The following CNTN5 variants were observed in gnomAD, a reference collection of about 807,000 sequenced individuals.
The protein encoded by CNTN5 is contactin-5.
Under a neutral mutation model 129.1 loss-of-function variants are expected in CNTN5, and 77 were observed. The ratio of observed to expected loss-of-function variants is 0.60; its 90% CI spans 0.50 to 0.72. CNTN5 has a LOEUF of 0.72. Ranked by LOEUF, CNTN5 falls within the 30% of genes least tolerant of loss-of-function variation. The pLI, the probability that CNTN5 is intolerant of heterozygous loss-of-function variation, is 0.00. For synonymous variants in CNTN5, 509 were observed against 465.6 expected (o/e 1.09, Z -1.20); for missense variants, 1,478 against 1,328.8 (o/e 1.11, Z -1.75).
At chr11:99,966,967 TGATA>T (rs1010294527) in intron 8 of CNTN5, among the ~76,000 whole-genome samples, 2 of 152,146 alleles carry the variant, frequency 1.3e-5, no homozygotes, top group African/African-American at 2.4e-5. Flanking sequence ...TGTGATAGAT[TGATA>T]GATATATGTT....
At chr11:100,000,933 G>A (rs1418294887) in intron 8 of CNTN5, among the ~76,000 whole-genome samples, 4 of 152,154 alleles carry the variant, frequency 2.6e-5, no homozygotes, top group South Asian at 2.1e-4. Context: ...GCTAGAACAC[G>A]AGACACCATG....
intron 1 of CNTN5, among the ~76,000 whole-genome samples, chr11:99,069,625 G>C (rs879743392): frequency 6.6e-6 from 1 of 152,016 alleles, no homozygotes; most frequent in African/African-American, 2.4e-5. Flanking sequence ...TCATTCTCAG[G>C]ACCTTACATC....
intron 21 of CNTN5, among the ~76,000 whole-genome samples, chr11:100,338,529 A>G (rs1321863517): frequency 6.6e-6 from 1 of 152,070 alleles, no homozygotes; most frequent in Admixed American, 6.6e-5. Context: ...AGTTGGGGGA[A>G]AAAAAAAGAA....
intron 17 of CNTN5, among the ~76,000 whole-genome samples, chr11:100,265,239 T>G (rs1406501657): frequency 1.3e-5 from 2 of 152,158 alleles, no homozygotes; most frequent in African/African-American, 4.8e-5. Flanking sequence ...TCACTAGATG[T>G]GTCCTCTTCT....
rs540190841 is a variant in CNTN5, at chr11:100,064,295, C to T, written c.1162+2902C>T. 5.3e-4 allele frequency among the ~76,000 whole-genome samples: 81 copies of T among 152,250 alleles called. No individual in the cohort carries two copies. In the Middle Eastern group the frequency reaches 0.014, roughly 26 times the overall value. ...CAAAAAATGAACCAGGGATCTAAGGCAGCATTTCTAGTCCCTTTTCTTGGT... is the reference window on the plus strand; with the variant it reads ...CAAAAAATGAACCAGGGATCTAAGGTAGCATTTCTAGTCCCTTTTCTTGGT... On this transcript the variant is annotated intron_variant, in intron 10 of 24. Transcript: ENST00000524871.
intron 1 of CNTN5, among the ~76,000 whole-genome samples, chr11:99,027,114 A>C (rs1863142964): frequency 6.6e-6 from 1 of 151,292 alleles, no homozygotes; most frequent in African/African-American, 2.4e-5. Context: ...TTTTTTTGAC[A>C]GTTTTAATTA....
chr11:100,074,497 G>A, intron 13 of CNTN5: 6 of 475,046 alleles, frequency 1.3e-5, no homozygotes, highest in Middle Eastern at 5.5e-4. Flanking sequence ...GACTCCATGG[G>A]GTTTTAGCAT....
chr11:99,736,170 C>CT (rs1159937576), intron 3 of CNTN5, among the ~76,000 whole-genome samples: 2 of 152,180 alleles, frequency 1.3e-5, no homozygotes, highest in African/African-American at 4.8e-5. Context: ...AAGCAGAACT[C>CT]TATTACTTGC....
At chr11:99,360,672 G>A (rs1008750382) in intron 2 of CNTN5, among the ~76,000 whole-genome samples, 2 of 152,082 alleles carry the variant, frequency 1.3e-5, no homozygotes, top group African/African-American at 2.4e-5. Context: ...TGGCAGCTCC[G>A]ATGCTCTCCA....
At chr11:100,112,407 G>C (rs969536744) in intron 13 of CNTN5, among the ~76,000 whole-genome samples, 1 of 152,102 alleles carries the variant, frequency 6.6e-6, no homozygotes, top group Non-Finnish European at 1.5e-5. Flanking sequence ...GATAATAGTA[G>C]AGAAATGGAT....
At chr11:99,165,254 A>G (rs940047221) in intron 1 of CNTN5, among the ~76,000 whole-genome samples, 1 of 152,222 alleles carries the variant, frequency 6.6e-6, no homozygotes, top group Admixed American at 6.5e-5. Context: ...AGTTTTGTTT[A>G]TAGAGGCTAT....
rs1286115224 is a variant in CNTN5, at chr11:99,711,371, AACTT to A, written c.56-108168_56-108165del. 4.6e-5 allele frequency among the ~76,000 whole-genome samples: 7 copies of A among 152,050 alleles called. 1 individual carries two copies. The East Asian group carries it at 1.2e-3, about 25-fold the overall frequency. On this transcript the variant is annotated intron_variant, in intron 3 of 24. Coordinates refer to ENST00000524871, the MANE Select transcript of CNTN5 (RefSeq NM_014361.4). Reference sequence around the variant, plus strand: ...TGGTTTAATCACAGCTATATTACCTAACTTACTTTTACTTAGAATTTAGCAAAAG... The same window carrying A: ...TGGTTTAATCACAGCTATATTACCTAACTTTTACTTAGAATTTAGCAAAAG...
Position 99,745,747 on chromosome 11 carries a change from A to G in CNTN5, c.56-73797A>G, listed in dbSNP as rs148255899. Among the ~76,000 whole-genome samples the G allele has an allele frequency of 4.4e-3, 667 of 151,974 alleles. 8 individuals carry two copies. Among genetic ancestry groups the G allele is most frequent in the African/African-American group, 0.015 (641 of 41,422 alleles). On this transcript the variant is annotated intron_variant, in intron 3 of 24. Coordinates refer to ENST00000524871, the MANE Select transcript of CNTN5 (RefSeq NM_014361.4). ...GAAGACATTTTTTTTTTTCAATTCA[A>G]TAGTTAATTCATTGAAAATTTTTAT...
intron 13 of CNTN5, among the ~76,000 whole-genome samples, chr11:100,139,163 A>C (rs1484699006): frequency 6.6e-6 from 1 of 152,174 alleles, no homozygotes; most frequent in Non-Finnish European, 1.5e-5. Flanking sequence ...AGTTAAATAT[A>C]TACATTGGTA....
intron 2 of CNTN5, among the ~76,000 whole-genome samples, chr11:99,376,559 A>G (rs1467502567): frequency 6.6e-6 from 1 of 152,188 alleles, no homozygotes; most frequent in Non-Finnish European, 1.5e-5. Context: ...TCTAACAATG[A>G]CAAAGTCTAG....
chr11:100,132,140 C>A (rs1045336197), intron 13 of CNTN5, among the ~76,000 whole-genome samples: 103 of 152,072 alleles, frequency 6.8e-4, no homozygotes, highest in African/African-American at 2.4e-3. Flanking sequence ...CTTAGTTGAA[C>A]TCTGGTTGAC....
At chr11:99,213,010 T>C (rs994769157) in intron 1 of CNTN5, among the ~76,000 whole-genome samples, 1 of 151,556 alleles carries the variant, frequency 6.6e-6, no homozygotes, top group Admixed American at 6.6e-5. Context: ...GCTAACATGG[T>C]GAAACCCCAT....
chr11:99,860,946 C>CTTCATT (rs1948183953), intron 6 of CNTN5, among the ~76,000 whole-genome samples: 1 of 125,054 alleles, frequency 8.0e-6, no homozygotes, highest in Non-Finnish European at 1.6e-5. Context: ...TGGAATATGT[C>CTTCATT]TTCATTTTTT....
chr11:99,092,854 A>G (rs994975337), intron 1 of CNTN5, among the ~76,000 whole-genome samples: 5 of 151,982 alleles, frequency 3.3e-5, no homozygotes, highest in Admixed American at 2.6e-4. Flanking sequence ...ATTATGGTTT[A>G]TGTTTGTTGT....
Sources: allele counts gnomAD v4.1 joint callset (sites outside exome capture counted in the v4.1 genomes callset), GRCh38; gene constraint gnomAD v4.1.1; transcripts MANE v1.5; gene names NCBI Gene and HGNC (gene_info 2026-07-23, HGNC 2026-07-21).